Variants in ACAP2 observed in about 807,000 individuals in gnomAD.
ACAP2 encodes arf-GAP with coiled-coil, ANK repeat and PH domain-containing protein 2.
A neutral mutation model predicts 115.8 loss-of-function variants in ACAP2; 39 were observed. The ratio of observed to expected loss-of-function variants is 0.34; its 90% confidence interval spans 0.26 to 0.44. ACAP2 has a LOEUF of 0.44. ACAP2 is among the 20% of genes least tolerant of loss of function. ACAP2 has a pLI of 1.00. For missense variants in ACAP2, 662 were observed against 927.6 expected (o/e 0.71, Z 3.72); for synonymous variants, 289 against 315.8 (o/e 0.92, Z 0.90).
chr3:195,295,734 T>G lies in ACAP2; in HGVS notation c.1646A>C (p.Gln549Pro). Residue 549 changes from glutamine to proline, a missense_variant, in exon 17 of 23, where the codon CAA becomes CCA. By Grantham distance (76) the Gln-to-Pro change is moderately conservative (BLOSUM62 -1). This residue lies in a region of ACAP2 where 133 missense variants were observed against 123.1 expected (regional missense o/e 1.08). Transcript: ENST00000326793. ...LSISKFGPGD[Q>P]VRASAQSSVR... ...TGAACTTTGGGCAGATGCTCTGACT[T>G]GGTCCCCTGGCCCAAATTTAGAAAT... 1 of 1,614,146 alleles carries G rather than the reference T, an allele frequency of 6.2e-7. No individual in the cohort carries two copies.
intron 1 of ACAP2, among the ~76,000 whole-genome samples, chr3:195,434,241 T>C (rs972675379): frequency 6.6e-6 from 1 of 151,850 alleles, no homozygotes; most frequent in Non-Finnish European, 1.5e-5. Context: ...GTTTTGTTTT[T>C]TTGTTTTTTG....
chr3:195,285,778 T>TA lies in ACAP2; in HGVS notation c.2236+17dup. 1 of 1,594,648 alleles carries TA rather than the reference T, an allele frequency of 6.3e-7. No homozygotes were observed. The highest frequency in any genetic ancestry group is 8.6e-7 in the Non-Finnish European group (1 of 1,165,066). On this transcript the variant is annotated intron_variant, in intron 22 of 22. Transcript: ENST00000326793. ...TTCTTATACTGCATTTCAGTATGGT[T>TA]ATTAGTAGAATATTGACCTGGCTGT...
intron 2 of ACAP2, among the ~76,000 whole-genome samples, chr3:195,385,218 G>A (rs1448696175): frequency 6.7e-6 from 1 of 149,494 alleles, no homozygotes; most frequent in Non-Finnish European, 1.5e-5. Context: ...TTTGAGACCA[G>A]CCTGGTCAAC....
At chr3:195,400,299 C>A (rs1712175105) in intron 1 of ACAP2, among the ~76,000 whole-genome samples, 1 of 151,752 alleles carries the variant, frequency 6.6e-6, no homozygotes, top group Admixed American at 6.6e-5. Flanking sequence ...TCTATAGAAT[C>A]TTCTGTTCCT....
chr3:195,436,517 G>T (rs1715553652), intron 1 of ACAP2, among the ~76,000 whole-genome samples: 1 of 151,850 alleles, frequency 6.6e-6, no homozygotes, highest in Non-Finnish European at 1.5e-5. Context: ...CTCTCTTTTG[G>T]GTACTGTTTG....
At chr3:195,370,555 G>C (rs550107469) in intron 4 of ACAP2, among the ~76,000 whole-genome samples, 41 of 152,246 alleles carry the variant, frequency 2.7e-4, no homozygotes, top group African/African-American at 9.9e-4. Flanking sequence ...GATGGTTGTA[G>C]GTGTGCGGCT....
At chr3:195,418,125 C>T (rs1713892382) in intron 1 of ACAP2, among the ~76,000 whole-genome samples, 1 of 152,114 alleles carries the variant, frequency 6.6e-6, no homozygotes, top group Admixed American at 6.6e-5. Flanking sequence ...TTCTCTCTGC[C>T]AGAAGCCCTC....
At chr3:195,312,111 A>G (rs112151725) in intron 10 of ACAP2, among the ~76,000 whole-genome samples, 5 of 152,196 alleles carry the variant, frequency 3.3e-5, no homozygotes, top group African/African-American at 1.2e-4. Flanking sequence ...ATGTTTGATC[A>G]CTAGTCCCAG....
rs142486556 is a variant in ACAP2 at position 195,379,380 on chromosome 3, C to T, written c.285+1629G>A. Among the ~76,000 whole-genome samples, 14 of 152,160 alleles carry T rather than the reference C, an allele frequency of 9.2e-5. No individual in the cohort carries two copies. In the East Asian group the frequency reaches 2.7e-3, roughly 29 times the overall value. Reference sequence around the variant, plus strand: ...TTTTCAAGAAAGTAAAAAAGAAAACCTACAAAATGAGAGAAAATATTTGTA... The same window carrying T: ...TTTTCAAGAAAGTAAAAAAGAAAACTTACAAAATGAGAGAAAATATTTGTA... On this transcript the variant is annotated intron_variant, in intron 4 of 22. Coordinates refer to ENST00000326793, the MANE Select transcript of ACAP2 (RefSeq NM_012287.6).
chr3:195,403,041 G>C (rs1712446417), intron 1 of ACAP2, among the ~76,000 whole-genome samples: 1 of 152,156 alleles, frequency 6.6e-6, no homozygotes, highest in Admixed American at 6.5e-5. Context: ...AAAAAGGAAA[G>C]TGAAATAAGG....
intron 15 of ACAP2, among the ~76,000 whole-genome samples, chr3:195,299,315 A>G (rs1385835916): frequency 7.9e-5 from 12 of 152,140 alleles, no homozygotes; most frequent in African/African-American, 2.4e-4. Flanking sequence ...CATGCCTGTA[A>G]TCCCAGCACT....
intron 22 of ACAP2, among the ~76,000 whole-genome samples, chr3:195,284,048 A>G (rs1198829727): frequency 6.6e-6 from 1 of 152,222 alleles, no homozygotes; most frequent in East Asian, 1.9e-4. Context: ...AGAAGTGGCA[A>G]GAACTTAGAG....
intron 4 of ACAP2, among the ~76,000 whole-genome samples, chr3:195,355,053 G>T (rs575655565): frequency 2.6e-5 from 4 of 152,044 alleles, no homozygotes; most frequent in Admixed American, 6.6e-5. Flanking sequence ...TACCAGAGAC[G>T]GGGTTTCGCC....
chr3:195,304,699 C>T (rs945055028), intron 13 of ACAP2, among the ~76,000 whole-genome samples: 9 of 152,184 alleles, frequency 5.9e-5, no homozygotes, highest in Non-Finnish European at 7.3e-5. Context: ...CCCACCAATC[C>T]CTCATAGCTA....
chr3:195,316,838 T>G (rs1192827100), intron 10 of ACAP2, among the ~76,000 whole-genome samples: 1 of 150,186 alleles, frequency 6.7e-6, no homozygotes, highest in Non-Finnish European at 1.5e-5. Context: ...CATCTGGCAA[T>G]ATCAAATGCT....
chr3:195,426,436 G>C (rs545940222), intron 1 of ACAP2, among the ~76,000 whole-genome samples: 2 of 152,114 alleles, frequency 1.3e-5, no homozygotes, highest in Non-Finnish European at 2.9e-5. Context: ...ATTCAGGAAG[G>C]GGGCCATTCT....
chr3:195,357,518 T>C (rs1398084613), intron 4 of ACAP2, among the ~76,000 whole-genome samples: 1 of 152,100 alleles, frequency 6.6e-6, no homozygotes, highest in Non-Finnish European at 1.5e-5. Context: ...CAGCAGGACA[T>C]GGGCAAGACA....
intron 1 of ACAP2, among the ~76,000 whole-genome samples, chr3:195,408,319 C>T (rs959413320): frequency 6.6e-6 from 1 of 152,004 alleles, no homozygotes; most frequent in Non-Finnish European, 1.5e-5. Context: ...AAAAATTAGC[C>T]GGGCATTGGT....
intron 2 of ACAP2, among the ~76,000 whole-genome samples, chr3:195,385,095 T>C (rs940795137): frequency 6.7e-6 from 1 of 150,132 alleles, no homozygotes; most frequent in African/African-American, 2.4e-5. Context: ...ATATGGTTAC[T>C]AAAAAAAAAG....
Sources: allele counts gnomAD v4.1 joint callset (sites outside exome capture counted in the v4.1 genomes callset), GRCh38; gene constraint gnomAD v4.1.1; regional missense constraint gnomAD v4.1.1; transcripts MANE v1.5; gene names NCBI Gene and HGNC (gene_info 2026-07-23, HGNC 2026-07-21).